Variants in ASB3 observed in about 807,000 individuals in gnomAD.
ASB3 encodes ankyrin repeat and SOCS box containing 3.
Under a neutral mutation model 54.5 loss-of-function variants are expected in ASB3, and 41 were observed. That is an observed-to-expected ratio of 0.75 (90% CI 0.59 to 0.98). ASB3 has a LOEUF of 0.98. Among genes scored for constraint, ASB3 ranks in the 50% least tolerant of loss-of-function variants. The pLI is 0.00. For missense variants in ASB3, 733 were observed against 620.0 expected (o/e 1.18, Z -1.94); for synonymous variants, 266 against 221.2 (o/e 1.20, Z -1.80).
chr2:53,716,448 G>GTATC lies in ASB3; in HGVS notation c.782+117_782+118insGATA. 10 of 1,280,284 alleles carry GTATC rather than the reference G, an allele frequency of 7.8e-6. No homozygotes were observed. In the East Asian group the frequency reaches 1.5e-4, roughly 19 times the overall value. 79.3% of individuals were successfully genotyped at this position (1,280,284 alleles called of 1,614,324 possible). On this transcript the variant is annotated intron_variant, in intron 6 of 9. Transcript: ENST00000263634. ...TAGGGGTAGATCTGTTCACCCAGCA[G>GTATC]ATTGGTAGGGAAGAGAATATCAAAG... is the stretch of plus-strand genomic sequence containing the variant.
chr2:53,672,460 C>T (rs1051084944), intron 9 of ASB3, among the ~76,000 whole-genome samples: 6 of 152,090 alleles, frequency 3.9e-5, no homozygotes, highest in Middle Eastern at 3.2e-3. Context: ...GGAAAGCAGG[C>T]CCAAGCTGCA....
At chr2:53,726,748 G>C (rs942512936) in intron 5 of ASB3, among the ~76,000 whole-genome samples, 1 of 151,824 alleles carries the variant, frequency 6.6e-6, no homozygotes, top group Non-Finnish European at 1.5e-5. Flanking sequence ...CCAGACTGGA[G>C]TGCGGTGGTG....
intron 7 of ASB3, among the ~76,000 whole-genome samples, chr2:53,702,963 T>C (rs1669572115): frequency 6.6e-6 from 1 of 152,222 alleles, no homozygotes; most frequent in South Asian, 2.1e-4. Context: ...GATGAAGACA[T>C]TCAGTTTTGT....
intron 1 of ASB3, chr2:53,771,842 T>C (rs1673934931): frequency 2.4e-6 from 2 of 847,846 alleles, no homozygotes; most frequent in Non-Finnish European, 3.9e-6. Flanking sequence ...AAAATGTTGC[T>C]AATGCTCAGC....
chr2:53,727,542 G>A (rs1187203164), intron 5 of ASB3, among the ~76,000 whole-genome samples: 3 of 152,032 alleles, frequency 2.0e-5, no homozygotes, highest in African/African-American at 4.8e-5. Flanking sequence ...AGGCTAAAGG[G>A]GCAAAATCGC....
intron 7 of ASB3, among the ~76,000 whole-genome samples, chr2:53,709,743 T>C (rs1282029605): frequency 2.0e-5 from 3 of 152,192 alleles, no homozygotes; most frequent in Admixed American, 1.3e-4. Flanking sequence ...GCCTCCAAGA[T>C]GGCCCCCAAT....
intron 1 of ASB3, among the ~76,000 whole-genome samples, chr2:53,784,937 G>A (rs527279222): frequency 6.6e-6 from 1 of 152,218 alleles, no homozygotes; most frequent in East Asian, 1.9e-4. Flanking sequence ...AATGTACATC[G>A]GGTCCTGTCC....
chr2:53,748,551 G>A (rs1672351163), intron 3 of ASB3, among the ~76,000 whole-genome samples: 1 of 152,162 alleles, frequency 6.6e-6, no homozygotes, highest in Non-Finnish European at 1.5e-5. Context: ...TACTAGTAAT[G>A]TGTCATATTA....
chr2:53,678,402 T>C (rs896436974), intron 9 of ASB3, among the ~76,000 whole-genome samples: 17 of 152,200 alleles, frequency 1.1e-4, no homozygotes, highest in Admixed American at 1.0e-3. Flanking sequence ...TCTACGATGA[T>C]TATGTTGGTT....
intron 8 of ASB3, 105 bp from the exon 9 acceptor site, chr2:53,694,119 G>A (rs1431503511): frequency 1.6e-5 from 22 of 1,362,428 alleles, no homozygotes; most frequent in Admixed American, 4.5e-5. Flanking sequence ...CAATGAGGAG[G>A]GCAGACAGAA....
intron 5 of ASB3, among the ~76,000 whole-genome samples, chr2:53,726,596 A>G (rs1671007111): frequency 6.6e-6 from 1 of 151,370 alleles, no homozygotes; most frequent in African/African-American, 2.4e-5. Context: ...ATATATATAT[A>G]TACACACACA....
intron 1 of ASB3, among the ~76,000 whole-genome samples, chr2:53,781,410 T>A (rs1242554671): frequency 1.4e-5 from 2 of 141,744 alleles, no homozygotes; most frequent in African/African-American, 2.6e-5. Context: ...AGACTCTGTC[T>A]CCAAAAAAAA....
chr2:53,713,309 T>C (rs964248611), intron 7 of ASB3, among the ~76,000 whole-genome samples: 1 of 152,234 alleles, frequency 6.6e-6, no homozygotes, highest in Non-Finnish European at 1.5e-5. Context: ...TTCATAATAG[T>C]GAATTCAAGA....
At chr2:53,768,586 G>A (rs1420802698) in intron 1 of ASB3, among the ~76,000 whole-genome samples, 4 of 152,184 alleles carry the variant, frequency 2.6e-5, no homozygotes, top group Admixed American at 6.5e-5. Flanking sequence ...TGGTTATTAA[G>A]GAACTCACTT....
At chr2:53,682,179 T>A (rs947997613) in intron 9 of ASB3, among the ~76,000 whole-genome samples, 7 of 146,264 alleles carry the variant, frequency 4.8e-5, no homozygotes, top group South Asian at 2.2e-4. Context: ...AAAAAAAAAA[T>A]TAGGATTGCT....
intron 5 of ASB3, among the ~76,000 whole-genome samples, chr2:53,724,830 T>C (rs372660251): frequency 4.6e-5 from 7 of 152,262 alleles, no homozygotes; most frequent in African/African-American, 1.7e-4. Context: ...TTATACATTC[T>C]TGGTGGGAAT....
chr2:53,683,151 G>T (rs554121012), intron 9 of ASB3, among the ~76,000 whole-genome samples: 3 of 152,214 alleles, frequency 2.0e-5, no homozygotes, highest in Admixed American at 2.0e-4. Flanking sequence ...GGCATACCCG[G>T]TTTTTTGAGG....
intron 7 of ASB3, among the ~76,000 whole-genome samples, chr2:53,706,805 C>A (rs906285843): frequency 4.6e-5 from 7 of 152,072 alleles, no homozygotes; most frequent in Non-Finnish European, 1.0e-4. Flanking sequence ...TTCTTATGCC[C>A]AATACTAGTT....
intron 2 of ASB3, among the ~76,000 whole-genome samples, chr2:53,759,984 C>A (rs551543728): frequency 1.3e-5 from 2 of 152,294 alleles, no homozygotes; most frequent in South Asian, 4.2e-4. Flanking sequence ...ACTCTCCTGT[C>A]CTGGACAACT....
Sources: gnomAD v4.1 joint callset for allele counts (sites outside exome capture counted in the v4.1 genomes callset) on GRCh38, gnomAD v4.1.1 for gene constraint, MANE v1.5 for transcripts, NCBI Gene and HGNC (gene_info 2026-07-23, HGNC 2026-07-21) for gene names.